The following SLC9B2 variants were observed in gnomAD, a reference collection of about 807,000 sequenced individuals.
SLC9B2 encodes the protein solute carrier family 9 member B2, also known as sodium/hydrogen exchanger 9B2.
In SLC9B2, 39 loss-of-function variants were observed where a neutral mutation model predicts 52.2. The ratio of observed to expected loss-of-function variants is 0.75; its 90% CI spans 0.58 to 0.98. The LOEUF is 0.98. SLC9B2 is among the 50% of genes least tolerant of loss of function. SLC9B2 has a pLI of 0.00. For missense variants in SLC9B2, 626 were observed against 637.5 expected (o/e 0.98, Z 0.19); for synonymous variants, 214 against 227.0 (o/e 0.94, Z 0.51).
At chr4:103,055,934 G>C (rs1560554394) in intron 4 of SLC9B2, among the ~76,000 whole-genome samples, 1 of 151,278 alleles carries the variant, frequency 6.6e-6, no homozygotes, top group Non-Finnish European at 1.5e-5. Flanking sequence ...CTCCCGAGTA[G>C]CTGGGACTAC....
downstream of SLC9B2, chr4:103,019,594 C>T (rs115084839): frequency 3.0e-4 from 300 of 985,460 alleles, 1 homozygote; most frequent in African/African-American, 4.8e-3. Flanking sequence ...AAAAATGGGC[C>T]GTACCTACAA....
chr4:103,048,868 C>T, intron 6 of SLC9B2, 25 bp downstream of exon 6: 1 of 1,610,666 alleles, frequency 6.2e-7, no homozygotes, highest in South Asian at 1.1e-5. Flanking sequence ...TACATATTTT[C>T]ATATGACAAA....
At chr4:103,063,337 TTTC>T (rs1340646910) in intron 3 of SLC9B2, among the ~76,000 whole-genome samples, 1 of 152,208 alleles carries the variant, frequency 6.6e-6, no homozygotes, top group Non-Finnish European at 1.5e-5. Context: ...ACTGACTTGG[TTTC>T]ATTAAAAACA....
At chr4:103,037,747 T>C (rs1743298698) in intron 9 of SLC9B2, among the ~76,000 whole-genome samples, 1 of 152,244 alleles carries the variant, frequency 6.6e-6, no homozygotes, top group African/African-American at 2.4e-5. Context: ...TCTAAGATCA[T>C]TTATTATGTA....
chr4:103,049,214 A>G (rs1228399141), intron 5 of SLC9B2, among the ~76,000 whole-genome samples, 194 bp from the exon 6 acceptor site: 1 of 152,220 alleles, frequency 6.6e-6, no homozygotes, highest in African/African-American at 2.4e-5. Context: ...CTGCAACCTT[A>G]TAAGATAGGT....
chr4:103,048,805 A>C, intron 6 of SLC9B2, 88 bp downstream of exon 6: 1 of 1,455,326 alleles, frequency 6.9e-7, no homozygotes. Flanking sequence ...ATCTATAAGA[A>C]AATTCTATTA....
chr4:103,075,780 A>T (rs971063623), intron 1 of SLC9B2, among the ~76,000 whole-genome samples: 6 of 152,204 alleles, frequency 3.9e-5, no homozygotes, highest in Non-Finnish European at 5.9e-5. Context: ...ATAATTGAGT[A>T]GAAGGCCAAC....
intron 8 of SLC9B2, 83 bp downstream of exon 8, chr4:103,044,807 C>T (rs917221585): frequency 4.2e-5 from 46 of 1,101,176 alleles, no homozygotes; most frequent in Non-Finnish European, 5.9e-5. Context: ...ATGTCCTTCA[C>T]ATCTGTCTTT....
At chr4:103,037,829 T>A (rs2110590468) in intron 9 of SLC9B2, among the ~76,000 whole-genome samples, 1 of 152,238 alleles carries the variant, frequency 6.6e-6, no homozygotes, top group South Asian at 2.1e-4. Flanking sequence ...CTTTTTAATT[T>A]AGTTTTTTGA....
At chr4:103,021,722 A>G (rs1482630689), downstream of SLC9B2, among the ~76,000 whole-genome samples, 3 of 152,186 alleles carry the variant, frequency 2.0e-5, no homozygotes, top group Non-Finnish European at 4.4e-5. Flanking sequence ...TTAGCCAATG[A>G]TCTATTTAGT....
chr4:103,065,511 AAAAAT>A (rs1746044575), intron 3 of SLC9B2: 1 of 152,218 alleles, frequency 6.6e-6, no homozygotes, highest in Non-Finnish European at 1.5e-5. Flanking sequence ...TATCAATGTA[AAAAAT>A]AAAATAAATT....
Position 103,043,374 on chromosome 4 carries a change from A to C in SLC9B2, c.1068T>G (p.His356Gln). The change falls in exon 9 of 12, where the codon CAT becomes CAG. Residue 356 changes from histidine to glutamine, a missense_variant. Physicochemically the swap from His to Gln is conservative, Grantham distance 24. Coordinates refer to ENST00000394785, the MANE Select transcript of SLC9B2 (RefSeq NM_178833.7). ...GTCCTCCTGATCCAGGGAAACCAAA[A>C]TGCACACTGCTGAACACAGCTAGCA... ...LSVLAVFSSV[H>Q]FGFPGSGGLC... 1 of 1,613,908 alleles carries C rather than the reference A, an allele frequency of 6.2e-7. No individual in the cohort carries two copies. Among genetic ancestry groups the C allele is most frequent in the Non-Finnish European group, 8.5e-7 (1 of 1,179,918 alleles).
intron 4 of SLC9B2, among the ~76,000 whole-genome samples, chr4:103,054,170 G>A (rs1376497542): frequency 2.0e-5 from 3 of 152,100 alleles, no homozygotes; most frequent in Admixed American, 6.5e-5. Context: ...TGGGAAGGCT[G>A]AGGCAGGAAG....
chr4:103,053,531 G>C lies in SLC9B2; in HGVS notation c.443-3149C>G, dbSNP rs59855439. On this transcript the variant is annotated intron_variant, in intron 4 of 11. Transcript: ENST00000394785. ...ATTTTGTTTTTGCAATAGGCATGGA[G>C]TGAAAAAAAGACAAATGGGGTGTAA... Among the ~76,000 whole-genome samples, 174 of 152,192 alleles carry C rather than the reference G, an allele frequency of 1.1e-3. 3 individuals are homozygous for C. In the East Asian group the frequency reaches 0.029, roughly 25 times the overall value.
chr4:103,046,438 T>TA (rs1393223388), intron 7 of SLC9B2, among the ~76,000 whole-genome samples: 8 of 149,826 alleles, frequency 5.3e-5, no homozygotes, highest in Non-Finnish European at 1.2e-4. Flanking sequence ...GGAGAAAAAA[T>TA]AACTTAAGTT....
chr4:103,023,960 T>C lies in SLC9B2; in HGVS notation c.*2410A>G, dbSNP rs1307090030. Among the ~76,000 whole-genome samples, 2 of 152,180 alleles carry C rather than the reference T, an allele frequency of 1.3e-5. No individual in the cohort carries two copies. Among genetic ancestry groups the C allele is most frequent in the African/African-American group, 4.8e-5 (2 of 41,452 alleles). ...GGAAACAGCATGAAGTGTAACACTT[T>C]TTGGTCTTACATCCCTTTTGCTGGC... On this transcript the variant is annotated 3_prime_UTR_variant, in exon 12 of 12. Coordinates refer to ENST00000394785, the MANE Select transcript of SLC9B2 (RefSeq NM_178833.7).
At position 103,052,378 on chromosome 4, in the gene SLC9B2, G is replaced by A. The variant is rs540753195; in HGVS notation, c.443-1996C>T. Among the ~76,000 whole-genome samples the A allele has an allele frequency of 3.2e-4, 48 of 152,306 alleles. No individual in the cohort carries two copies. The South Asian group carries it at 9.8e-3, about 31-fold the overall frequency. ...CGGCCCGGGGCTTGGGCACCCATGA[G>A]CTAGACTAATGTGGTCCTTGTCCAT... On this transcript the variant is annotated intron_variant, in intron 4 of 11. Transcript: ENST00000394785.
intron 9 of SLC9B2, among the ~76,000 whole-genome samples, chr4:103,035,780 C>A (rs1043963785): frequency 6.6e-6 from 1 of 152,076 alleles, no homozygotes; most frequent in Non-Finnish European, 1.5e-5. Context: ...TGGTTATATA[C>A]CCAAAGGAAT....
At chr4:103,052,462 G>C (rs1482527161) in intron 4 of SLC9B2, among the ~76,000 whole-genome samples, 1 of 152,178 alleles carries the variant, frequency 6.6e-6, no homozygotes, top group African/African-American at 2.4e-5. Flanking sequence ...ATTTCAAGCA[G>C]TGGAAATGTT....
Sources: allele counts gnomAD v4.1 joint callset (sites outside exome capture counted in the v4.1 genomes callset), GRCh38; gene constraint gnomAD v4.1.1; transcripts MANE v1.5; gene names NCBI Gene and HGNC (gene_info 2026-07-23, HGNC 2026-07-21).